Variants in GRIP2 observed in about 807,000 individuals in gnomAD.
The protein encoded by GRIP2 is glutamate receptor interacting protein 2.
GRIP2 carries 58 observed loss-of-function variants against 108.3 expected under a neutral mutation model. The observed-to-expected ratio is 0.54, with a 90% CI of 0.43 to 0.67. The LOEUF is 0.67. Ranked by LOEUF, GRIP2 falls within the 30% of genes least tolerant of loss-of-function variation. The probability of loss-of-function intolerance (pLI) is 0.00; values close to 1 mark genes in which losing one functional copy is unlikely to be tolerated. For missense variants in GRIP2, 1,278 were observed against 1,430.6 expected (o/e 0.89, Z 1.72); for synonymous variants, 586 against 598.2 (o/e 0.98, Z 0.30).
upstream of GRIP2, among the ~76,000 whole-genome samples, chr3:14,541,184 T>C (rs986747830): frequency 6.6e-6 from 1 of 152,230 alleles, no homozygotes; most frequent in African/African-American, 2.4e-5. Context: ...TCTACCTGTC[T>C]GTGAGAAGGG....
At chr3:14,555,858 G>C (rs889847817) in intron 1 of GRIP2, 10 of 398,812 alleles carry the variant, frequency 2.5e-5, no homozygotes, top group Non-Finnish European at 8.8e-6. Flanking sequence ...AGCCTGGGAA[G>C]TCCCTCTGGG....
rs543411894 is a variant in GRIP2, at chr3:14,496,700, T to G, written c.2680-140A>C. The stretch of plus-strand genomic sequence containing the variant: ...AGACATGGTCCCTGCCCATTGGGGC[T>G]GGGTCCAACAGCGGTGGAGTGGGAA... On this transcript the variant is annotated intron_variant, in intron 21 of 23. Coordinates refer to ENST00000621039, the MANE Select transcript of GRIP2 (RefSeq NM_001080423.4). 16 of 1,174,784 alleles carry G rather than the reference T, an allele frequency of 1.4e-5. No homozygotes were observed. The African/African-American group carries it at 2.5e-4, about 18-fold the overall frequency. The allele number at this position is 1,174,784 out of a possible 1,614,324, so 72.8% of individuals were successfully genotyped here.
the GRIP2 span, among the ~76,000 whole-genome samples, chr3:14,588,425 C>T: frequency 6.6e-6 from 1 of 152,098 alleles, no homozygotes; most frequent in Admixed American, 6.5e-5. Context: ...ACTGAGTGGT[C>T]TCTGAGAATA....
chr3:14,528,994 G>C lies in GRIP2; in HGVS notation c.41-3063C>G, dbSNP rs183304360. Among the ~76,000 whole-genome samples the C allele has an allele frequency of 1.8e-3, 274 of 152,242 alleles. 1 individual carries two copies. The highest frequency in any genetic ancestry group is 6.2e-3 in the African/African-American group (257 of 41,526). ...AAAGTTTGAAAAACATTTGTGGCTG[G>C]GCGTGGTGGCTCACGCCTGTAATCC... On this transcript the variant is annotated intron_variant, in intron 1 of 23. Coordinates refer to ENST00000621039, the MANE Select transcript of GRIP2 (RefSeq NM_001080423.4).
chr3:14,587,508 G>A, the GRIP2 span, among the ~76,000 whole-genome samples: 2 of 151,884 alleles, frequency 1.3e-5, no homozygotes, highest in Non-Finnish European at 2.9e-5. Flanking sequence ...GCATGGTGGC[G>A]GGCACCTGTA....
At chr3:14,504,461 G>A (rs1246463537) in intron 20 of GRIP2, among the ~76,000 whole-genome samples, 5 of 151,434 alleles carry the variant, frequency 3.3e-5, no homozygotes, top group East Asian at 1.9e-4. Context: ...ACAGGCATGC[G>A]CCACCACCCC....
At chr3:14,567,433 C>A in the GRIP2 span, among the ~76,000 whole-genome samples, 1 of 152,096 alleles carries the variant, frequency 6.6e-6, no homozygotes. Context: ...CATGGCATCC[C>A]AGGAGTCATG....
At chr3:14,569,919 T>G in the GRIP2 span, among the ~76,000 whole-genome samples, 1,594 of 152,186 alleles carry the variant, frequency 0.01, 16 homozygotes, top group Non-Finnish European at 0.013. Flanking sequence ...ATGAACTCAT[T>G]TAACTCTCAC....
the GRIP2 span, among the ~76,000 whole-genome samples, chr3:14,572,537 G>A: frequency 4.8e-5 from 7 of 147,046 alleles, no homozygotes; most frequent in East Asian, 2.0e-4. Context: ...GCGTGAACCC[G>A]GGAGGCGGAG....
chr3:14,524,345 AC>A, intron 4 of GRIP2, 47 bp downstream of exon 4: 1 of 1,580,310 alleles, frequency 6.3e-7, no homozygotes, highest in Non-Finnish European at 8.6e-7. Context: ...AGCCGTGTCC[AC>A]CCGCAACCGA....
At chr3:14,578,352 A>G in the GRIP2 span, among the ~76,000 whole-genome samples, 2 of 152,178 alleles carry the variant, frequency 1.3e-5, no homozygotes, top group African/African-American at 4.8e-5. Flanking sequence ...AAATAGGGAT[A>G]ATATCATGAT....
At chr3:14,596,201 G>A in the GRIP2 span, among the ~76,000 whole-genome samples, 1 of 152,232 alleles carries the variant, frequency 6.6e-6, no homozygotes, top group Non-Finnish European at 1.5e-5. Context: ...CTCTGAGGTA[G>A]GAAGGAGCAA....
chr3:14,582,053 T>C, the GRIP2 span, among the ~76,000 whole-genome samples: 126,636 of 152,118 alleles, frequency 0.83, 52,829 homozygotes, highest in South Asian at 0.92. Context: ...CGAGAGATAC[T>C]GGTCAGGAGC....
At chr3:14,536,652 A>T (rs1694841673) in intron 1 of GRIP2, among the ~76,000 whole-genome samples, 1 of 152,018 alleles carries the variant, frequency 6.6e-6, no homozygotes, top group African/African-American at 2.4e-5. Flanking sequence ...CCAACATCCC[A>T]CCATGGGAGA....
chr3:14,496,787 G>A lies in GRIP2; in HGVS notation c.2680-227C>T, dbSNP rs1302946396. ...TCACTGGCACGTAATCATTCGTGCC[G>A]ACCCAGGGCTAAGTCAGTTCTTAGC... is the stretch of plus-strand genomic sequence containing the variant. On this transcript the variant is annotated intron_variant, in intron 21 of 23. Coordinates refer to ENST00000621039, the MANE Select transcript of GRIP2 (RefSeq NM_001080423.4). Among the ~76,000 whole-genome samples the A allele has an allele frequency of 3.9e-5, 6 of 152,180 alleles. 1 individual carries two copies. The highest frequency in any genetic ancestry group is 3.9e-4 in the East Asian group (2 of 5,184).
At chr3:14,556,032 C>T (rs570434696) in exon 1 of GRIP2, 1 of 398,464 alleles carries the variant, frequency 2.5e-6, no homozygotes, top group Admixed American at 4.4e-5. Context: ...CTCCTGTGCC[C>T]GCTCCAGAGC....
chr3:14,595,611 T>C, the GRIP2 span, among the ~76,000 whole-genome samples: 68 of 152,340 alleles, frequency 4.5e-4, no homozygotes, highest in Non-Finnish European at 7.8e-4. Flanking sequence ...CACAGACTTA[T>C]GCTCCTGGCT....
intron 5 of GRIP2, chr3:14,523,370 G>A (rs1021562399): frequency 5.2e-6 from 3 of 575,528 alleles, no homozygotes; most frequent in Non-Finnish European, 9.3e-6. Flanking sequence ...TTTGTTCTCA[G>A]TCTCGGTAGC....
At chr3:14,590,096 A>C in the GRIP2 span, among the ~76,000 whole-genome samples, 1 of 152,120 alleles carries the variant, frequency 6.6e-6, no homozygotes, top group Non-Finnish European at 1.5e-5. Flanking sequence ...CCAGCTAAAC[A>C]CCACGAATTT....
Sources: gnomAD v4.1 joint callset for allele counts (sites outside exome capture counted in the v4.1 genomes callset) on GRCh38, gnomAD v4.1.1 for gene constraint, MANE v1.5 for transcripts, NCBI Gene and HGNC (gene_info 2026-07-23, HGNC 2026-07-21) for gene names.